The following SPOCK3 variants were observed in gnomAD, a reference collection of about 807,000 sequenced individuals.
SPOCK3 encodes SPARC (osteonectin), cwcv and kazal like domains proteoglycan 3.
A neutral mutation model predicts 56.6 loss-of-function variants in SPOCK3; 30 were observed. The observed-to-expected ratio is 0.53, with a 90% CI of 0.40 to 0.72. SPOCK3 has a LOEUF of 0.72. SPOCK3 is among the 30% of genes least tolerant of loss of function. The pLI, the probability that SPOCK3 is intolerant of heterozygous loss-of-function variation, is 0.00. For synonymous variants in SPOCK3, 196 were observed against 183.3 expected, an observed-to-expected ratio of 1.07 and a Z score of -0.56; for missense variants, 527 against 530.0, an observed-to-expected ratio of 0.99 and a Z score of 0.06.
chr4:166,937,101 C>T (rs929679783), intron 4 of SPOCK3, among the ~76,000 whole-genome samples: 2 of 151,872 alleles, frequency 1.3e-5, no homozygotes. Context: ...TTGAGATTTG[C>T]TTTACAACCC....
At chr4:167,176,058 T>C (rs1730955460) in intron 2 of SPOCK3, among the ~76,000 whole-genome samples, 1 of 152,092 alleles carries the variant, frequency 6.6e-6, no homozygotes, top group Non-Finnish European at 1.5e-5. Flanking sequence ...CCTTGCTTTT[T>C]TTAGTTTCTA....
Position 166,734,781 on chromosome 4 carries a change from C to A in SPOCK3, c.*140G>T. 1.4e-6 allele frequency: 1 copy of A among 715,190 alleles called. No homozygotes were observed. Among genetic ancestry groups the A allele is most frequent in the Non-Finnish European group, 2.2e-6 (1 of 458,190 alleles). 44.3% of individuals were successfully genotyped at this position (715,190 alleles called of 1,614,324 possible). On this transcript the variant is annotated 3_prime_UTR_variant, in exon 11 of 11. Transcript: ENST00000357545. ...TAAACATAAAGTTCTATAACTTTAG[C>A]TGCAATTTTTCAAATAATTATACAA... is the stretch of plus-strand genomic sequence containing the variant.
intron 2 of SPOCK3, among the ~76,000 whole-genome samples, chr4:167,185,267 T>A (rs1467697244): frequency 6.6e-6 from 1 of 152,320 alleles, no homozygotes; most frequent in East Asian, 1.9e-4. Context: ...TAACTAAATA[T>A]TAAAACAGTG....
chr4:167,109,389 A>C, intron 2 of SPOCK3, among the ~76,000 whole-genome samples: 1 of 24,812 alleles, frequency 4.0e-5, no homozygotes, highest in African/African-American at 1.0e-4. Context: ...TAAAATATAT[A>C]AATATATATT....
At chr4:166,812,751 G>A (rs1038109930) in intron 6 of SPOCK3, among the ~76,000 whole-genome samples, 1 of 151,770 alleles carries the variant, frequency 6.6e-6, no homozygotes, top group South Asian at 2.1e-4. Context: ...TCACTGGGAC[G>A]AATTAAATTT....
intron 9 of SPOCK3, among the ~76,000 whole-genome samples, chr4:166,741,087 C>T (rs867409690): frequency 2.2e-4 from 33 of 152,150 alleles, no homozygotes; most frequent in Middle Eastern, 3.4e-3. Context: ...TTAATCAGAT[C>T]CAGAGACATT....
At chr4:167,070,407 A>C (rs1756557880) in intron 2 of SPOCK3, among the ~76,000 whole-genome samples, 1 of 151,974 alleles carries the variant, frequency 6.6e-6, no homozygotes, top group African/African-American at 2.4e-5. Flanking sequence ...ATACTTTGTT[A>C]ATCTTTATAT....
At chr4:166,971,848 A>T (rs1745417653) in intron 4 of SPOCK3, among the ~76,000 whole-genome samples, 1 of 152,108 alleles carries the variant, frequency 6.6e-6, no homozygotes, top group Non-Finnish European at 1.5e-5. Context: ...TCTCTGTCAG[A>T]TTACTACTAC....
chr4:166,863,048 C>T (rs1183312899), intron 6 of SPOCK3, among the ~76,000 whole-genome samples: 2 of 152,038 alleles, frequency 1.3e-5, no homozygotes, highest in African/African-American at 4.8e-5. Context: ...GCCCATCAGA[C>T]TAACAGTGGA....
chr4:166,842,100 C>T (rs575934838), intron 6 of SPOCK3, among the ~76,000 whole-genome samples: 19 of 152,164 alleles, frequency 1.2e-4, no homozygotes, highest in Non-Finnish European at 2.4e-4. Context: ...TCTCCCTGGC[C>T]TTAGGAGTGA....
At chr4:167,157,936 A>G (rs1251371921) in intron 2 of SPOCK3, among the ~76,000 whole-genome samples, 1 of 151,904 alleles carries the variant, frequency 6.6e-6, no homozygotes, top group Non-Finnish European at 1.5e-5. Context: ...GTCATTGTGG[A>G]TTTTTGTTTT....
chr4:166,795,573 G>A (rs1323541772), intron 6 of SPOCK3, among the ~76,000 whole-genome samples: 1 of 151,766 alleles, frequency 6.6e-6, no homozygotes, highest in African/African-American at 2.4e-5. Context: ...GAAACCATTG[G>A]CCAAAACAGG....
intron 4 of SPOCK3, among the ~76,000 whole-genome samples, chr4:166,923,023 T>A (rs1414850685): frequency 6.6e-6 from 1 of 152,236 alleles, no homozygotes; most frequent in Non-Finnish European, 1.5e-5. Context: ...CCGTTAGGAA[T>A]CTAAAAGTCT....
chr4:166,974,861 A>C (rs186191606), intron 4 of SPOCK3, among the ~76,000 whole-genome samples: 49 of 152,330 alleles, frequency 3.2e-4, no homozygotes, highest in African/African-American at 1.1e-3. Flanking sequence ...CAAAACTTAC[A>C]CTGAATGTTA....
chr4:166,856,978 G>A (rs1173352523), intron 6 of SPOCK3, among the ~76,000 whole-genome samples: 1 of 152,078 alleles, frequency 6.6e-6, no homozygotes, highest in Non-Finnish European at 1.5e-5. Context: ...ATTCTACAAA[G>A]CCATGCCTGG....
intron 5 of SPOCK3, among the ~76,000 whole-genome samples, chr4:166,906,676 C>A (rs1258671434): frequency 4.6e-5 from 7 of 151,706 alleles, no homozygotes; most frequent in Non-Finnish European, 5.9e-5. Flanking sequence ...ATATTTTTAT[C>A]ATTAATCTGA....
intron 6 of SPOCK3, among the ~76,000 whole-genome samples, chr4:166,841,884 A>C (rs1243529733): frequency 2.0e-5 from 3 of 152,096 alleles, no homozygotes; most frequent in African/African-American, 4.8e-5. Flanking sequence ...GAAGCCGTGG[A>C]CCCTTGCGAT....
chr4:167,195,688 G>A (rs1403017689), intron 2 of SPOCK3, among the ~76,000 whole-genome samples: 1 of 152,142 alleles, frequency 6.6e-6, no homozygotes, highest in East Asian at 1.9e-4. Flanking sequence ...GGTAGATGAC[G>A]CTGGAGGTAG....
At chr4:166,750,142 A>G (rs1435864523) in intron 8 of SPOCK3, among the ~76,000 whole-genome samples, 2 of 152,156 alleles carry the variant, frequency 1.3e-5, no homozygotes, top group African/African-American at 4.8e-5. Context: ...TTGTTCAAGT[A>G]TATATAATAT....
Sources: gnomAD v4.1 joint callset for allele counts (sites outside exome capture counted in the v4.1 genomes callset) on GRCh38, gnomAD v4.1.1 for gene constraint, MANE v1.5 for transcripts, NCBI Gene and HGNC (gene_info 2026-07-23, HGNC 2026-07-21) for gene names.